SMURF1: variants seen among roughly 807,000 people sequenced by gnomAD.
SMURF1 encodes SMAD specific E3 ubiquitin protein ligase 1.
A neutral mutation model predicts 98.0 loss-of-function variants in SMURF1; 44 were observed. The observed-to-expected ratio is 0.45, with a 90% CI of 0.35 to 0.58. The LOEUF is 0.58. Among genes scored for constraint, SMURF1 ranks in the 20% least tolerant of loss-of-function variants. The probability of loss-of-function intolerance (pLI) is 0.00; values close to 1 mark genes in which losing one functional copy is unlikely to be tolerated. For synonymous variants in SMURF1, 396 were observed against 374.9 expected (o/e 1.06, Z -0.65); for missense variants, 687 against 938.4 (o/e 0.73, Z 3.50).
At chr7:99,122,406 G>A (rs1437368623) in intron 1 of SMURF1, among the ~76,000 whole-genome samples, 1 of 151,550 alleles carries the variant, frequency 6.6e-6, no homozygotes, top group Non-Finnish European at 1.5e-5. Flanking sequence ...CACTTTGGGA[G>A]GCCAAGGCAG....
At chr7:99,060,747 C>T (rs1796015448) in intron 2 of SMURF1, 40 bp from the exon 3 acceptor site, 3 of 1,339,050 alleles carry the variant, frequency 2.2e-6, no homozygotes, top group Non-Finnish European at 3.2e-6. Context: ...TGAGACCTCA[C>T]ATCCATCCAT....
chr7:99,117,818 G>A (rs1371808609), intron 1 of SMURF1, among the ~76,000 whole-genome samples: 3 of 150,830 alleles, frequency 2.0e-5, no homozygotes, highest in East Asian at 4.0e-4. Flanking sequence ...GGTGGCTCAC[G>A]CCTGTAATCC....
chr7:99,107,986 C>G (rs1214666077), intron 1 of SMURF1, among the ~76,000 whole-genome samples: 2 of 152,118 alleles, frequency 1.3e-5, no homozygotes, highest in African/African-American at 2.4e-5. Context: ...ATGTGAGAAC[C>G]CTTTCAAAAG....
Position 99,027,816 on chromosome 7 carries a change from A to T in SMURF1, c.*2768T>A, listed in dbSNP as rs1584432142. The T allele has an allele frequency of 6.6e-6, 1 of 152,374 alleles. No homozygotes were observed. Among genetic ancestry groups the T allele is most frequent in the Admixed American group, 6.5e-5 (1 of 15,278 alleles). The allele number at this position is 152,374 out of a possible 1,614,324, so 9.4% of individuals were successfully genotyped here. A position where few individuals can be genotyped will look rare whatever the true frequency, so the allele number is the denominator to read the frequency against. On this transcript the variant is annotated 3_prime_UTR_variant, in exon 18 of 18. Coordinates refer to ENST00000361368, the MANE Select transcript of SMURF1 (RefSeq NM_181349.3). Reference sequence around the variant, plus strand: ...CTGGCTGCAGATGGCGGGTGGGGGGACATTTTCTCTGCAGAAGGCCTTTCC... The same window carrying T: ...CTGGCTGCAGATGGCGGGTGGGGGGTCATTTTCTCTGCAGAAGGCCTTTCC...
chr7:99,095,643 A>G (rs1584173633), intron 1 of SMURF1, among the ~76,000 whole-genome samples: 1 of 152,252 alleles, frequency 6.6e-6, no homozygotes, highest in Non-Finnish European at 1.5e-5. Flanking sequence ...GTATTTATCA[A>G]GTGCCTACTT....
intron 6 of SMURF1, 77 bp from the exon 7 acceptor site, chr7:99,052,523 TA>T: frequency 7.4e-7 from 1 of 1,350,670 alleles, no homozygotes; most frequent in Non-Finnish European, 9.7e-7. Flanking sequence ...GCTAGTGTCC[TA>T]GGGGACACCG....
At chr7:99,103,726 A>G (rs1284116085) in intron 1 of SMURF1, among the ~76,000 whole-genome samples, 1 of 152,186 alleles carries the variant, frequency 6.6e-6, no homozygotes, top group Admixed American at 6.5e-5. Flanking sequence ...AATTCCAAAG[A>G]TGTTTTCTGG....
In SMURF1 at chr7:99,042,152, A is replaced by C; in HGVS notation, c.1337T>G (p.Met446Arg). The C allele has an allele frequency of 6.2e-7, 1 of 1,614,072 alleles. No homozygotes were observed. Among genetic ancestry groups the C allele is most frequent in the Non-Finnish European group, 8.5e-7 (1 of 1,179,954 alleles). ...TGAAGAATCCGGATTTATTTGCAAC[A>C]TGTAAATATTGTCCGTAGAATACTG... The part of the protein sequence containing the change: ...LFQYSTDNIY[M>R]LQINPDSSIN... Residue 446 changes from methionine to arginine, a missense_variant, in exon 12 of 18, where the codon ATG becomes AGG. Met to Arg is a moderately conservative substitution (Grantham distance 91). Transcript: ENST00000361368.
chr7:99,126,742 T>C (rs73147622), intron 1 of SMURF1, among the ~76,000 whole-genome samples: 6,861 of 152,328 alleles, frequency 0.045, 187 homozygotes, highest in Middle Eastern at 0.068. Context: ...ATAAGATGCA[T>C]TGATCTGATA....
At chr7:99,129,938 C>A (rs533014922) in intron 1 of SMURF1, among the ~76,000 whole-genome samples, 1 of 152,152 alleles carries the variant, frequency 6.6e-6, no homozygotes, top group Non-Finnish European at 1.5e-5. Context: ...CAAGAACAGA[C>A]ATTAATTCAA....
At chr7:99,051,058 T>C in intron 8 of SMURF1, 1 of 1,409,568 alleles carries the variant, frequency 7.1e-7, no homozygotes, top group East Asian at 2.5e-5. Context: ...TTTCCTTGAC[T>C]TATGATGGAA....
chr7:99,069,005 C>T (rs530256924), intron 1 of SMURF1, among the ~76,000 whole-genome samples: 9 of 152,200 alleles, frequency 5.9e-5, no homozygotes, highest in Admixed American at 2.6e-4. Flanking sequence ...ACAATGTAAG[C>T]GGGGTTTTCA....
intron 11 of SMURF1, among the ~76,000 whole-genome samples, chr7:99,042,741 T>C (rs1795435880): frequency 6.6e-6 from 1 of 152,240 alleles, no homozygotes; most frequent in Non-Finnish European, 1.5e-5. Context: ...CAAACACCTG[T>C]GGCAGATCTA....
In SMURF1 at chr7:99,054,872, G is replaced by C; in HGVS notation, c.404-7C>G. The C allele has an allele frequency of 6.2e-7, 1 of 1,613,502 alleles. No individual in the cohort carries two copies. The highest frequency in any genetic ancestry group is 8.5e-7 in the Non-Finnish European group (1 of 1,179,708). ...TCTCGTGTCTGTAAACTGACTAAAA[G>C]AGAAAAGAACGACTTGTGTTAAAAC... On this transcript the variant is annotated splice_region_variant and splice_polypyrimidine_tract_variant and intron_variant, in intron 5 of 17. Coordinates refer to ENST00000361368, the MANE Select transcript of SMURF1 (RefSeq NM_181349.3).
intron 1 of SMURF1, among the ~76,000 whole-genome samples, chr7:99,108,611 C>CAAAAAAAAAAAAAAAAAAAAAAAAAAAA (rs11458541): frequency 8.5e-5 from 5 of 58,558 alleles, no homozygotes; most frequent in Non-Finnish European, 1.5e-4. Context: ...AACTCTGTCT[C>CAAAAAAAAAAAAAAAAAAAAAAAAAAAA]AAAAAAAAAA....
intron 3 of SMURF1, among the ~76,000 whole-genome samples, chr7:99,058,517 G>A (rs1005764860): frequency 4.6e-5 from 7 of 152,148 alleles, no homozygotes; most frequent in African/African-American, 1.2e-4. Context: ...ACTGGTTTGC[G>A]ACAAGGGACT....
chr7:99,140,907 C>T (rs1798106996), intron 1 of SMURF1, among the ~76,000 whole-genome samples: 1 of 152,090 alleles, frequency 6.6e-6, no homozygotes, highest in Non-Finnish European at 1.5e-5. Flanking sequence ...TTCAAACTTC[C>T]CTTAACCAGA....
intron 1 of SMURF1, among the ~76,000 whole-genome samples, chr7:99,118,707 A>AC (rs1491487180): frequency 2.0e-5 from 3 of 152,156 alleles, no homozygotes; most frequent in Non-Finnish European, 4.4e-5. Flanking sequence ...TTCTAGAGTT[A>AC]GATAGTGGTG....
chr7:99,122,679 G>C (rs1415613727), intron 1 of SMURF1, among the ~76,000 whole-genome samples: 4 of 144,810 alleles, frequency 2.8e-5, no homozygotes, highest in Non-Finnish European at 6.0e-5. Flanking sequence ...GTCCTTGACC[G>C]CACTACTAAA....
Sources: gnomAD v4.1 joint callset for allele counts (sites outside exome capture counted in the v4.1 genomes callset) on GRCh38, gnomAD v4.1.1 for gene constraint, MANE v1.5 for transcripts, NCBI Gene and HGNC (gene_info 2026-07-23, HGNC 2026-07-21) for gene names.